WWOX: variants seen among roughly 807,000 people sequenced by gnomAD.
WWOX encodes WW domain-containing oxidoreductase.
WWOX carries 69 observed loss-of-function variants against 46.2 expected under a neutral mutation model. That is an observed-to-expected ratio of 1.49 (90% CI 1.23 to 1.82). WWOX has a LOEUF of 1.82. Among genes scored for constraint, WWOX ranks in the 40% most tolerant of loss-of-function variants. The probability of loss-of-function intolerance (pLI) is 0.00; values close to 1 mark genes in which losing one functional copy is unlikely to be tolerated. For synonymous variants in WWOX, 359 were observed against 202.6 expected, an observed-to-expected ratio of 1.77 and a Z score of -6.56; for missense variants, 919 against 542.6, an observed-to-expected ratio of 1.69 and a Z score of -6.89.
intron 8 of WWOX, among the ~76,000 whole-genome samples, chr16:79,159,807 A>C (rs1308809797): frequency 1.3e-5 from 2 of 152,274 alleles, no homozygotes; most frequent in East Asian, 3.9e-4. Flanking sequence ...GTGACTTTCT[A>C]ATCCTTCTAG....
chr16:78,149,369 A>C (rs2034319214), intron 4 of WWOX, among the ~76,000 whole-genome samples: 1 of 152,234 alleles, frequency 6.6e-6, no homozygotes, highest in African/African-American at 2.4e-5. Flanking sequence ...ATTCCTGTGG[A>C]CTGGTGATCC....
At chr16:79,159,057 G>A (rs2050435713) in intron 8 of WWOX, among the ~76,000 whole-genome samples, 1 of 152,190 alleles carries the variant, frequency 6.6e-6, no homozygotes, top group Non-Finnish European at 1.5e-5. Flanking sequence ...AAGAAATAGT[G>A]CATGGATTCC....
At chr16:78,803,635 T>C (rs1377129100) in intron 8 of WWOX, among the ~76,000 whole-genome samples, 2 of 152,066 alleles carry the variant, frequency 1.3e-5, no homozygotes, top group African/African-American at 4.8e-5. Flanking sequence ...TTAATTTTTA[T>C]TTTTGTAGAG....
rs530128701 is a variant in WWOX at position 78,789,043 on chromosome 16, G to A, written c.1056+356291G>A. Among the ~76,000 whole-genome samples the A allele has an allele frequency of 3.3e-5, 5 of 152,204 alleles. No individual in the cohort carries two copies. In the East Asian group the frequency reaches 9.7e-4, roughly 29 times the overall value. ...CTTTTTATTCTTTTGATATCATCTCGTGATGCACAAAAGTTTTAACAACAA... is the reference window on the plus strand; with the variant it reads ...CTTTTTATTCTTTTGATATCATCTCATGATGCACAAAAGTTTTAACAACAA... On this transcript the variant is annotated intron_variant, in intron 8 of 8. Coordinates refer to ENST00000566780, the MANE Select transcript of WWOX (RefSeq NM_016373.4).
chr16:79,036,029 A>T (rs2151402956), intron 8 of WWOX, among the ~76,000 whole-genome samples: 1 of 151,908 alleles, frequency 6.6e-6, no homozygotes. Context: ...CTTCCAGCAT[A>T]CTCAGCACAG....
At chr16:78,353,867 G>A (rs1269680194) in intron 5 of WWOX, among the ~76,000 whole-genome samples, 1 of 152,190 alleles carries the variant, frequency 6.6e-6, no homozygotes, top group Non-Finnish European at 1.5e-5. Context: ...TTGATGTGGT[G>A]CCGAGTTGTC....
At chr16:78,108,703 A>C (rs2032308252) in intron 2 of WWOX, among the ~76,000 whole-genome samples, 2 of 152,164 alleles carry the variant, frequency 1.3e-5, no homozygotes, top group African/African-American at 4.8e-5. Context: ...AAAGTACCAA[A>C]ATGGCCAGAT....
rs1328866863 is a variant in WWOX at position 78,501,097 on chromosome 16, G to T, written c.1056+68345G>T. 9.2e-5 allele frequency among the ~76,000 whole-genome samples: 14 copies of T among 151,836 alleles called. 1 individual carries two copies. In the South Asian group the frequency reaches 1.7e-3, roughly 18 times the overall value. On this transcript the variant is annotated intron_variant, in intron 8 of 8. Transcript: ENST00000566780. ...GGGCAGAGGGTCAGCTGAATGGCAG[G>T]GATTCCAGGTCTCAGTTAATGCCCA... is the stretch of plus-strand genomic sequence containing the variant.
intron 8 of WWOX, among the ~76,000 whole-genome samples, chr16:78,948,958 A>T (rs1009532206): frequency 6.6e-6 from 1 of 152,098 alleles, no homozygotes; most frequent in Non-Finnish European, 1.5e-5. Flanking sequence ...GCAGGGAAGG[A>T]TTTCACGTAC....
intron 8 of WWOX, among the ~76,000 whole-genome samples, chr16:79,035,471 G>A (rs961496512): frequency 2.0e-5 from 3 of 152,058 alleles, no homozygotes; most frequent in East Asian, 3.9e-4. Flanking sequence ...GGTGTACTCC[G>A]GCTGCTCCTT....
chr16:78,615,954 G>A (rs2046014220), intron 8 of WWOX, among the ~76,000 whole-genome samples: 1 of 152,044 alleles, frequency 6.6e-6, no homozygotes, highest in Non-Finnish European at 1.5e-5. Context: ...GTTTCACTGT[G>A]TTAGCCAGGA....
chr16:78,925,627 C>G (rs923179581), intron 8 of WWOX, among the ~76,000 whole-genome samples: 3 of 152,188 alleles, frequency 2.0e-5, no homozygotes, highest in South Asian at 4.1e-4. Context: ...TCTGCTTCGT[C>G]AAACTGTACA....
chr16:78,123,596 TC>T (rs2033227968), intron 4 of WWOX: 1 of 151,244 alleles, frequency 6.6e-6, no homozygotes, highest in Admixed American at 6.6e-5. Flanking sequence ...TAGCTGGGAG[TC>T]CAGGCACCTG....
intron 5 of WWOX, among the ~76,000 whole-genome samples, chr16:78,284,220 C>T (rs1450062626): frequency 2.6e-5 from 4 of 152,162 alleles, no homozygotes; most frequent in African/African-American, 9.7e-5. Flanking sequence ...GAGCCAAGTA[C>T]TTTTTGTTGG....
chr16:79,172,637 A>G (rs566019369), intron 8 of WWOX, among the ~76,000 whole-genome samples: 1 of 152,284 alleles, frequency 6.6e-6, no homozygotes. Flanking sequence ...CTCACTACCA[A>G]TGGCAAAGAC....
chr16:78,267,869 G>A (rs978582667), intron 5 of WWOX, among the ~76,000 whole-genome samples: 15 of 152,100 alleles, frequency 9.9e-5, no homozygotes, highest in East Asian at 3.9e-4. Flanking sequence ...CCTCCCAGGA[G>A]TGCCATGGTG....
In WWOX at chr16:79,212,122, T is replaced by G; in HGVS notation, c.*326T>G. ...AGCAATTCTCTTTCTTTTACTGTTATAGAATAGCCTGAGGTCCCCTCGTCC... is the reference window on the plus strand; with the variant it reads ...AGCAATTCTCTTTCTTTTACTGTTAGAGAATAGCCTGAGGTCCCCTCGTCC... On this transcript the variant is annotated 3_prime_UTR_variant, in exon 9 of 9. Transcript: ENST00000566780. 6.5e-7 allele frequency: 1 copy of G among 1,533,000 alleles called. No individual in the cohort carries two copies. Among genetic ancestry groups the G allele is most frequent in the Non-Finnish European group, 8.7e-7 (1 of 1,145,110 alleles). 95.0% of individuals were successfully genotyped at this position (1,533,000 alleles called of 1,614,324 possible).
intron 8 of WWOX, among the ~76,000 whole-genome samples, chr16:78,475,131 A>C (rs889137166): frequency 1.3e-5 from 2 of 152,318 alleles, no homozygotes; most frequent in African/African-American, 4.8e-5. Context: ...CTCCCTCAAT[A>C]TAGCTGTAGG....
At chr16:79,068,895 GC>G (rs1401217631) in intron 8 of WWOX, among the ~76,000 whole-genome samples, 4 of 151,630 alleles carry the variant, frequency 2.6e-5, no homozygotes, top group African/African-American at 9.7e-5. Flanking sequence ...GGGAATGAAT[GC>G]CGAAAGTGGT....
Sources: allele counts gnomAD v4.1 joint callset (sites outside exome capture counted in the v4.1 genomes callset), GRCh38; gene constraint gnomAD v4.1.1; transcripts MANE v1.5; gene names NCBI Gene and HGNC (gene_info 2026-07-23, HGNC 2026-07-21).